The following CBL variants were observed in gnomAD, a reference collection of about 807,000 sequenced individuals.
CBL encodes E3 ubiquitin-protein ligase CBL.
CBL carries 45 observed loss-of-function variants against 96.9 expected under a neutral mutation model. That is an observed-to-expected ratio of 0.46 (90% confidence interval 0.37 to 0.60). CBL has a LOEUF of 0.60. Among genes scored for constraint, CBL ranks in the 20% least tolerant of loss-of-function variants. The probability of loss-of-function intolerance (pLI) is 0.00; values close to 1 mark genes in which losing one functional copy is unlikely to be tolerated. For missense variants in CBL, 1,024 were observed against 1,143.5 expected (o/e 0.90, Z 1.51); for synonymous variants, 420 against 426.8 (o/e 0.98, Z 0.20).
chr11:119,233,066 A>G (rs1000442359), intron 2 of CBL, among the ~76,000 whole-genome samples: 2 of 152,186 alleles, frequency 1.3e-5, no homozygotes, highest in Admixed American at 6.5e-5. Context: ...GCTGTAGCAT[A>G]TTAGGTAAAT....
chr11:119,220,153 G>A (rs1194975307), intron 1 of CBL, among the ~76,000 whole-genome samples: 1 of 151,922 alleles, frequency 6.6e-6, no homozygotes, highest in East Asian at 1.9e-4. Flanking sequence ...ACTGCACCCG[G>A]CCATGCCTGG....
chr11:119,279,172 CTTTT>C (rs757371706), intron 9 of CBL, among the ~76,000 whole-genome samples: 4 of 145,036 alleles, frequency 2.8e-5, no homozygotes, highest in African/African-American at 1.0e-4. Context: ...GTTCTGTTCC[CTTTT>C]TTTTTTTTTA....
rs555818246 is a variant in CBL at position 119,238,963 on chromosome 11, T to C, written c.443+6268T>C. Among the ~76,000 whole-genome samples the C allele has an allele frequency of 2.0e-5, 3 of 152,264 alleles. No individual in the cohort carries two copies. In the South Asian group the frequency reaches 6.2e-4, roughly 32 times the overall value. ...GGATATATTTCCACTTATATTTTTA[T>C]TCATTTTTGTCTTTGTTGTTTTAGA... is the stretch of plus-strand genomic sequence containing the variant. On this transcript the variant is annotated intron_variant, in intron 2 of 15. Transcript: ENST00000264033.
At chr11:119,226,163 C>T (rs1949457050) in intron 1 of CBL, among the ~76,000 whole-genome samples, 1 of 152,156 alleles carries the variant, frequency 6.6e-6, no homozygotes, top group African/African-American at 2.4e-5. Context: ...TTCTTGGTTA[C>T]CAGAGACCAT....
chr11:119,242,372 C>G (rs961643598), intron 2 of CBL, among the ~76,000 whole-genome samples: 4 of 151,760 alleles, frequency 2.6e-5, no homozygotes, highest in African/African-American at 9.7e-5. Context: ...AACCCCCTCC[C>G]TTCTAAAAAT....
At chr11:119,249,489 G>A (rs942819931) in intron 2 of CBL, among the ~76,000 whole-genome samples, 1 of 150,862 alleles carries the variant, frequency 6.6e-6, no homozygotes, top group Non-Finnish European at 1.5e-5. Flanking sequence ...CAGGAAGCAG[G>A]GTTCGCAGTG....
chr11:119,206,460 A>C lies in CBL; in HGVS notation c.43A>C (p.Ser15Arg), dbSNP rs1949269287. ...VKKSSGAGGG[S>R]GSGGSGSGGL... is the part of the protein sequence containing the mutation. The stretch of plus-strand genomic sequence containing the variant: ...GAAGAGCTCTGGGGCCGGGGGCGGC[A>C]GCGGCTCCGGGGGCTCGGGTTCGGG... Residue 15 changes from serine to arginine, a missense_variant, in exon 1 of 16, where the codon AGC becomes CGC. Coordinates refer to ENST00000264033, the MANE Select transcript of CBL (RefSeq NM_005188.4). The C allele has an allele frequency of 6.3e-7, 1 of 1,576,950 alleles. No homozygotes were observed.
At position 119,283,625 on chromosome 11, in the gene CBL, CTTTTTTTTTTTTTTTTTTTTT is replaced by C. The variant is rs398017760; in HGVS notation, c.1432-1334_1432-1314del. Among the ~76,000 whole-genome samples the C allele has an allele frequency of 4.4e-5, 2 of 45,526 alleles. 1 individual carries two copies. The highest frequency in any genetic ancestry group is 8.2e-5 in the Non-Finnish European group (2 of 24,532). The allele number at this position is 45,526 out of a possible 152,430, so 29.9% of individuals were successfully genotyped here. A position where few individuals can be genotyped will look rare whatever the true frequency, so the allele number is the denominator to read the frequency against. ...AAATATTAATCCTTTTTAATTCTTT[CTTTTTTTTTTTTTTTTTTTTT>C]TTTTTTTTTGAGATGGAGTCTTGCT... On this transcript the variant is annotated intron_variant, in intron 9 of 15. Coordinates refer to ENST00000264033, the MANE Select transcript of CBL (RefSeq NM_005188.4).
Position 119,278,634 on chromosome 11 carries a change from C to T in CBL, c.1352C>T (p.Pro451Leu), listed in dbSNP as rs1214207578. Residue 451 changes from proline (P) to leucine (L), a missense_variant, in exon 9 of 16, where the codon CCC becomes CTC. Pro to Leu is a moderately conservative substitution (Grantham distance 98). Around this residue, in one of 4 missense-constraint regions of CBL, gnomAD observed 695 missense variants for 661.6 expected, o/e 1.05. Coordinates refer to ENST00000264033, the MANE Select transcript of CBL (RefSeq NM_005188.4). Reference sequence around the variant, plus strand: ...TTGAGGCAAGGAGCAGAGGGAGCTCCCTCCCCAAATTATGATGATGATGAT... The same window carrying T: ...TTGAGGCAAGGAGCAGAGGGAGCTCTCTCCCCAAATTATGATGATGATGAT... ...SLLRQGAEGA[P>L]SPNYDDDDDE... 3 of 1,613,960 alleles carry T rather than the reference C, an allele frequency of 1.9e-6. No individual in the cohort carries two copies. The South Asian group carries it at 3.3e-5, about 18-fold the overall frequency.
intron 1 of CBL, among the ~76,000 whole-genome samples, chr11:119,230,145 G>A (rs1189496720): frequency 1.3e-5 from 2 of 151,312 alleles, no homozygotes; most frequent in Admixed American, 6.6e-5. Flanking sequence ...AAGAAAATAG[G>A]TTTTTGTTTT....
intron 9 of CBL, among the ~76,000 whole-genome samples, chr11:119,282,477 G>A (rs1211997364): frequency 6.6e-6 from 1 of 152,220 alleles, no homozygotes; most frequent in Non-Finnish European, 1.5e-5. Context: ...CCAGAATGGG[G>A]AAAGGATTTA....
chr11:119,235,094 A>G (rs894876380), intron 2 of CBL, among the ~76,000 whole-genome samples: 1 of 152,114 alleles, frequency 6.6e-6, no homozygotes, highest in Non-Finnish European at 1.5e-5. Flanking sequence ...GGTTTATTTT[A>G]AAGAGCATTT....
rs1950149626 is a variant in CBL, at chr11:119,307,123, G to A, written c.*7342G>A. The stretch of plus-strand genomic sequence containing the variant: ...GTGACTGGAGAGGTGACATGCAGGT[G>A]CAGTGTGTCTGGAGTCCCTTTCCCC... On this transcript the variant is annotated 3_prime_UTR_variant, in exon 16 of 16. Transcript: ENST00000264033. 4.3e-6 allele frequency: 1 copy of A among 231,822 alleles called. No individual in the cohort carries two copies. Among genetic ancestry groups the A allele is most frequent in the Non-Finnish European group, 8.6e-6 (1 of 116,952 alleles). The allele number at this position is 231,822 out of a possible 1,614,324, so 14.4% of individuals were successfully genotyped here.
At chr11:119,298,990 A>G (rs1413269267) in intron 15 of CBL, among the ~76,000 whole-genome samples, 1 of 152,244 alleles carries the variant, frequency 6.6e-6, no homozygotes, top group Admixed American at 6.5e-5. Flanking sequence ...CTGGTAGGGC[A>G]GCAGCCAGAG....
At chr11:119,269,983 C>A (rs1007570350) in intron 2 of CBL, among the ~76,000 whole-genome samples, 1 of 150,108 alleles carries the variant, frequency 6.7e-6, no homozygotes, top group East Asian at 2.0e-4. Flanking sequence ...GGCGACAGAG[C>A]GAGACTCCGT....
In CBL at chr11:119,271,852, G is replaced by A. The variant is rs1272874156; in HGVS notation, c.561G>A (p.Ala187=). 19 of 1,613,846 alleles carry A rather than the reference G, an allele frequency of 1.2e-5. No homozygotes were observed. The highest frequency in any genetic ancestry group is 2.7e-5 in the African/African-American group (2 of 74,894). ...DTFRITKADA[A]EFWRKAFGEK... ...TTCGGATTACTAAAGCAGATGCTGC[G>A]GAATTTTGGAGAAAAGCTTTTGGGG... is the stretch of plus-strand genomic sequence containing the variant. Residue 187 remains alanine (A), a synonymous_variant, in exon 3 of 16, where the codon GCG becomes GCA. Coordinates refer to ENST00000264033, the MANE Select transcript of CBL (RefSeq NM_005188.4).
chr11:119,226,297 C>G (rs1480313620), intron 1 of CBL, among the ~76,000 whole-genome samples: 13 of 152,116 alleles, frequency 8.5e-5, no homozygotes, highest in Admixed American at 8.5e-4. Flanking sequence ...ATTCTTGCCT[C>G]CCCTGCATAT....
chr11:119,217,256 A>G (rs895108421), intron 1 of CBL, among the ~76,000 whole-genome samples: 11 of 152,138 alleles, frequency 7.2e-5, no homozygotes, highest in South Asian at 2.1e-4. Context: ...AGCTGGGGTT[A>G]CAGGCATGTA....
intron 2 of CBL, among the ~76,000 whole-genome samples, chr11:119,247,422 ATAATTCTG>A (rs1209443326): frequency 6.6e-6 from 1 of 152,244 alleles, no homozygotes; most frequent in Non-Finnish European, 1.5e-5. Context: ...TGCATGTGAC[ATAATTCTG>A]TATGTAGAAA....
Sources: allele counts gnomAD v4.1 joint callset (sites outside exome capture counted in the v4.1 genomes callset), GRCh38; gene constraint gnomAD v4.1.1; regional missense constraint gnomAD v4.1.1; transcripts MANE v1.5; gene names NCBI Gene and HGNC (gene_info 2026-07-23, HGNC 2026-07-21).